The following RELN variants were observed in gnomAD, a reference collection of about 807,000 sequenced individuals.
RELN encodes reelin.
Under a neutral mutation model 427.6 loss-of-function variants are expected in RELN, and 108 were observed. The ratio of observed to expected loss-of-function variants is 0.25; its 90% CI spans 0.22 to 0.30. The LOEUF (loss-of-function observed/expected upper bound fraction) is 0.30. Among genes scored for constraint, RELN ranks in the 10% least tolerant of loss-of-function variants. The pLI, the probability that RELN is intolerant of heterozygous loss-of-function variation, is 1.00. For synonymous variants in RELN, 1,524 were observed against 1,513.4 expected, an observed-to-expected ratio of 1.01 and a Z score of -0.16; for missense variants, 3,715 against 4,302.8, an observed-to-expected ratio of 0.86 and a Z score of 3.82.
intron 45 of RELN, among the ~76,000 whole-genome samples, chr7:103,537,968 A>G (rs1830091994): frequency 2.0e-5 from 3 of 152,220 alleles, no homozygotes; most frequent in Admixed American, 2.0e-4. Context: ...TACATTTTGT[A>G]TCAGCACTAC....
chr7:103,735,901 T>C (rs1790480637), intron 6 of RELN, among the ~76,000 whole-genome samples: 1 of 152,208 alleles, frequency 6.6e-6, no homozygotes, highest in African/African-American at 2.4e-5. Flanking sequence ...TTCACCAGTA[T>C]TTCTGAATGG....
At chr7:103,753,134 A>G (rs759888642) in intron 5 of RELN, 48 bp downstream of exon 5, 1 of 1,597,150 alleles carries the variant, frequency 6.3e-7, no homozygotes, top group South Asian at 1.1e-5. Flanking sequence ...AAGCCAAACA[A>G]GTAGATCAAG....
chr7:103,831,184 T>G (rs796138240), intron 3 of RELN, among the ~76,000 whole-genome samples: 1 of 152,088 alleles, frequency 6.6e-6, no homozygotes, highest in East Asian at 1.9e-4. Context: ...TGTTTTGTCT[T>G]TCAAAAAAGC....
At chr7:103,903,368 G>A (rs1488268331) in intron 2 of RELN, among the ~76,000 whole-genome samples, 3 of 151,476 alleles carry the variant, frequency 2.0e-5, no homozygotes, top group Admixed American at 6.6e-5. Context: ...CTTCATTTAC[G>A]GAAACTTATG....
In RELN at chr7:103,561,838, C is replaced by T; in HGVS notation, c.5326G>A (p.Gly1776Arg). 1 of 1,613,892 alleles carries T rather than the reference C, an allele frequency of 6.2e-7. No homozygotes were observed. Among genetic ancestry groups the T allele is most frequent in the Non-Finnish European group, 8.5e-7 (1 of 1,179,934 alleles). The change falls in exon 35 of 65, where the codon GGG becomes AGG. Residue 1776 changes from glycine (G) to arginine (R), a missense_variant. Physicochemically the swap from Gly to Arg is moderately radical, Grantham distance 125. Coordinates refer to ENST00000428762, the MANE Select transcript of RELN (RefSeq NM_005045.4). ...ACACAGCGTCCAGCATCACAAATCCCTCGTCCTGAGCACATCCAAGGGCAC... is the reference window on the plus strand; with the variant it reads ...ACACAGCGTCCAGCATCACAAATCCTTCGTCCTGAGCACATCCAAGGGCAC... ...SGCPWMCSGRGICDAGRCVCD... is the reference protein window; with the variant it reads ...SGCPWMCSGRRICDAGRCVCD...
rs1006896336 is a variant in RELN at position 103,973,852 on chromosome 7, A to G, written c.226+15279T>C. Among the ~76,000 whole-genome samples the G allele has an allele frequency of 3.9e-5, 6 of 152,292 alleles. No individual in the cohort carries two copies. In the South Asian group the frequency reaches 1.0e-3, roughly 26 times the overall value. On this transcript the variant is annotated intron_variant, in intron 1 of 64. Coordinates refer to ENST00000428762, the MANE Select transcript of RELN (RefSeq NM_005045.4). ...TAACAAAAAGTATGTCATAATAATAATAATACTCAGCCAGGTGTGGTGGCT... is the reference window on the plus strand; with the variant it reads ...TAACAAAAAGTATGTCATAATAATAGTAATACTCAGCCAGGTGTGGTGGCT...
At chr7:103,582,951 T>C (rs745525012) in intron 28 of RELN, among the ~76,000 whole-genome samples, 24 of 152,320 alleles carry the variant, frequency 1.6e-4, no homozygotes, top group Middle Eastern at 6.8e-3. Flanking sequence ...TAGACCCTCA[T>C]TGAGATGTAA....
intron 60 of RELN, among the ~76,000 whole-genome samples, chr7:103,489,358 C>T (rs1190998199): frequency 7.9e-5 from 12 of 151,938 alleles, no homozygotes. Flanking sequence ...GCACAGGCAG[C>T]TAGGCCAGGA....
At chr7:103,893,515 G>A (rs888956073) in intron 2 of RELN, among the ~76,000 whole-genome samples, 1 of 152,100 alleles carries the variant, frequency 6.6e-6, no homozygotes, top group Non-Finnish European at 1.5e-5. Context: ...TGTTCTCTGA[G>A]GAGGCTTACT....
intron 6 of RELN, among the ~76,000 whole-genome samples, chr7:103,734,441 G>A (rs1032509189): frequency 9.2e-5 from 14 of 152,074 alleles, no homozygotes; most frequent in Admixed American, 3.3e-4. Context: ...ATACCTTGGC[G>A]TATCATATGG....
chr7:103,516,371 C>T (rs1375905392), intron 49 of RELN, among the ~76,000 whole-genome samples: 4 of 151,812 alleles, frequency 2.6e-5, no homozygotes, highest in African/African-American at 9.7e-5. Flanking sequence ...CTGCAACCTC[C>T]GCCTCCTGGG....
chr7:103,836,847 G>C (rs1793422108), intron 2 of RELN, among the ~76,000 whole-genome samples: 1 of 152,098 alleles, frequency 6.6e-6, no homozygotes, highest in Non-Finnish European at 1.5e-5. Context: ...GGAATATTCT[G>C]CTTCTTAACT....
At chr7:103,672,728 T>C (rs1833421046) in intron 11 of RELN, among the ~76,000 whole-genome samples, 2 of 152,146 alleles carry the variant, frequency 1.3e-5, no homozygotes, top group South Asian at 4.1e-4. Flanking sequence ...TAACCTTTTA[T>C]ATCTCATTAA....
intron 2 of RELN, among the ~76,000 whole-genome samples, chr7:103,907,814 C>G (rs1454183099): frequency 1.3e-5 from 2 of 150,082 alleles, no homozygotes; most frequent in Non-Finnish European, 3.0e-5. Context: ...ATTTTAAGTT[C>G]TGGGATACAT....
intron 1 of RELN, among the ~76,000 whole-genome samples, chr7:103,920,427 C>A (rs1795587696): frequency 6.6e-6 from 1 of 152,058 alleles, no homozygotes; most frequent in African/African-American, 2.4e-5. Flanking sequence ...GATTATCAGT[C>A]AAATGATCTA....
At chr7:103,596,862 G>A (rs867377845) in intron 24 of RELN, among the ~76,000 whole-genome samples, 2 of 152,158 alleles carry the variant, frequency 1.3e-5, no homozygotes, top group South Asian at 4.1e-4. Flanking sequence ...TTTGGTTAAT[G>A]TCTACATTAC....
chr7:103,646,179 A>G (rs1012849791), intron 16 of RELN, among the ~76,000 whole-genome samples: 8 of 151,720 alleles, frequency 5.3e-5, no homozygotes, highest in Non-Finnish European at 1.2e-4. Flanking sequence ...AAAATAGATC[A>G]CAAAGTAACA....
intron 10 of RELN, among the ~76,000 whole-genome samples, chr7:103,695,107 C>T (rs1277211460): frequency 2.0e-5 from 3 of 152,098 alleles, no homozygotes; most frequent in Non-Finnish European, 4.4e-5. Context: ...ATTTAGTTTT[C>T]ACCTCAGAGG....
chr7:103,902,657 A>G (rs1351208703), intron 2 of RELN, among the ~76,000 whole-genome samples: 1 of 152,152 alleles, frequency 6.6e-6, no homozygotes, highest in Non-Finnish European at 1.5e-5. Context: ...GAGTCCTGAA[A>G]ACAGTAATTT....
Sources: gnomAD v4.1 joint callset for allele counts (sites outside exome capture counted in the v4.1 genomes callset) on GRCh38, gnomAD v4.1.1 for gene constraint, MANE v1.5 for transcripts, NCBI Gene and HGNC (gene_info 2026-07-23, HGNC 2026-07-21) for gene names.